NAV1: variants seen among roughly 807,000 people sequenced by gnomAD.
NAV1 encodes neuron navigator 1.
NAV1 carries 18 observed loss-of-function variants against 175.2 expected under a neutral mutation model. The observed-to-expected ratio is 0.10, with a 90% CI of 0.07 to 0.15. NAV1 has a LOEUF of 0.15. Among genes scored for constraint, NAV1 ranks in the 10% least tolerant of loss-of-function variants. The pLI, the probability that NAV1 is intolerant of heterozygous loss-of-function variation, is 1.00. For synonymous variants in NAV1, 897 were observed against 978.7 expected (o/e 0.92, Z 1.56); for missense variants, 1,731 against 2,436.6 (o/e 0.71, Z 6.10).
intron 3 of NAV1, among the ~76,000 whole-genome samples, chr1:201,779,408 A>G (rs954642326): frequency 1.1e-4 from 17 of 150,344 alleles, no homozygotes; most frequent in African/African-American, 3.9e-4. Context: ...CCTGGCCAAC[A>G]TGGTGAAACC....
chr1:201,648,306 A>T, exon 1 of NAV1: 1 of 1,126,304 alleles, frequency 8.9e-7, no homozygotes, highest in Non-Finnish European at 1.1e-6. Flanking sequence ...AAGCAAAAGC[A>T]CCGCTGGGCG....
intron 2 of NAV1, among the ~76,000 whole-genome samples, chr1:201,599,707 ATT>A (rs1475407478): frequency 6.6e-6 from 1 of 152,138 alleles, no homozygotes; most frequent in African/African-American, 2.4e-5. Flanking sequence ...GCCTGCTCTG[ATT>A]CTCTTCAGCG....
chr1:201,550,194 C>A (rs767397125), intron 1 of NAV1, among the ~76,000 whole-genome samples: 2 of 151,742 alleles, frequency 1.3e-5, no homozygotes, highest in African/African-American at 2.4e-5. Context: ...TTTTAAGAGA[C>A]GGGGTCTTAA....
In NAV1 at chr1:201,659,280, G is replaced by A. The variant is rs180871686; in HGVS notation, c.757+9855G>A. 3.4e-3 allele frequency among the ~76,000 whole-genome samples: 520 copies of A among 152,292 alleles called. 2 individuals are homozygous for A. The highest frequency in any genetic ancestry group is 0.012 in the African/African-American group (488 of 41,548). On this transcript the variant is annotated intron_variant, in intron 1 of 29. Coordinates refer to ENST00000367296, the Ensembl canonical transcript of NAV1. ...TCCAAGAAGCCTTCCTGAAGGAGCC[G>A]GAAGTTGGGGAGGAATTTAAAGGAG...
At chr1:201,621,177 C>T (rs942661018), upstream of NAV1, among the ~76,000 whole-genome samples, 17 of 152,136 alleles carry the variant, frequency 1.1e-4, no homozygotes, top group African/African-American at 3.6e-4. Context: ...CGCTCGGCCT[C>T]CCAAAGTGCT....
At chr1:201,652,809 C>T (rs1015783596) in intron 1 of NAV1, among the ~76,000 whole-genome samples, 1 of 152,154 alleles carries the variant, frequency 6.6e-6, no homozygotes. Flanking sequence ...ACAGATGCAC[C>T]TCAATTTATG....
chr1:201,648,637 C>A (rs763277136), exon 1 of NAV1: 9 of 1,300,668 alleles, frequency 6.9e-6, no homozygotes, highest in Middle Eastern at 5.7e-4. Context: ...CCTGCAGACG[C>A]GCGGATCGTC....
chr1:201,771,893 A>T (rs1470123259), intron 3 of NAV1, among the ~76,000 whole-genome samples: 1 of 152,226 alleles, frequency 6.6e-6, no homozygotes, highest in African/African-American at 2.4e-5. Context: ...CTAAAAAGAG[A>T]ATGTTAATAA....
chr1:201,786,355 A>C, intron 8 of NAV1, 74 bp from the exon 13 acceptor site: 1 of 1,460,086 alleles, frequency 6.8e-7, no homozygotes, highest in Non-Finnish European at 9.4e-7. Context: ...CCTAGTTCAG[A>C]CACCCTCCGC....
chr1:201,790,778 GA>G lies in NAV1; in HGVS notation c.3321+14del, dbSNP rs779789067. ...AGCTTTCTGCCAATGTGAGTGCCAT[GA>G]AGTACGGAAAGATCAAGGCAGTTAT... On this transcript the variant is annotated intron_variant, in intron 13 of 29. Transcript: ENST00000367296. 175 of 1,613,898 alleles carry G rather than the reference GA, an allele frequency of 1.1e-4. 6 individuals carry two copies. The South Asian group carries it at 1.9e-3, about 18-fold the overall frequency.
At chr1:201,820,014 C>G in exon 30 of NAV1, 1 of 1,307,322 alleles carries the variant, frequency 7.6e-7, no homozygotes. Flanking sequence ...TCTCCTCTTT[C>G]AGAGCACTGG....
At chr1:201,751,372 T>C (rs1010854132) in intron 3 of NAV1, among the ~76,000 whole-genome samples, 5 of 152,230 alleles carry the variant, frequency 3.3e-5, no homozygotes, top group African/African-American at 1.2e-4. Context: ...ATGCTGACTT[T>C]GTCACTGATT....
intron 3 of NAV1, among the ~76,000 whole-genome samples, chr1:201,746,809 T>C (rs1673796267): frequency 6.6e-6 from 1 of 151,890 alleles, no homozygotes; most frequent in African/African-American, 2.4e-5. Flanking sequence ...AAGACCAGCC[T>C]GGGAAACATG....
At chr1:201,554,399 AACCT>A (rs1330258355) in intron 1 of NAV1, among the ~76,000 whole-genome samples, 1 of 152,196 alleles carries the variant, frequency 6.6e-6, no homozygotes, top group African/African-American at 2.4e-5. Context: ...CATAGCACAG[AACCT>A]AGCAAGCAGT....
rs1256135357 is a variant in NAV1, at chr1:201,746,937, G to A, written c.1226+28182G>A. ...GAGGGTCGCTTGAGCCCAGGAGGTC[G>A]AGGCTGCAGTGAGCTCCAGTCATGC... is the stretch of plus-strand genomic sequence containing the variant. On this transcript the variant is annotated intron_variant, in intron 3 of 29. Transcript: ENST00000367296. 2.6e-5 allele frequency among the ~76,000 whole-genome samples: 4 copies of A among 151,786 alleles called. 1 individual carries two copies. The East Asian group carries it at 7.7e-4, about 29-fold the overall frequency.
At chr1:201,700,414 G>A (rs566179994) in intron 1 of NAV1, among the ~76,000 whole-genome samples, 14 of 152,124 alleles carry the variant, frequency 9.2e-5, no homozygotes, top group Non-Finnish European at 1.6e-4. Flanking sequence ...TTAGAATGGC[G>A]ATCATTAAAA....
chr1:201,788,339 C>A lies in NAV1; in HGVS notation c.2996-129C>A. 1 of 939,616 alleles carries A rather than the reference C, an allele frequency of 1.1e-6. No homozygotes were observed. The highest frequency in any genetic ancestry group is 2.5e-5 in the East Asian group (1 of 39,566). 58.2% of individuals were successfully genotyped at this position (939,616 alleles called of 1,614,324 possible). ...ACCACCGCACCTGCCCCTTCCTCTC[C>A]TGCCCTCTCCCCATTTGCCTCTCAT... On this transcript the variant is annotated intron_variant, in intron 9 of 29. Coordinates refer to ENST00000367296, the Ensembl canonical transcript of NAV1. The surrounding 1 kb of genome is among the most constrained non-coding windows in gnomAD (Gnocchi z 5.7).
rs140934607 is a variant in NAV1, at chr1:201,743,550, G to A, written c.1226+24795G>A. ...GGATGTAATGACAATGAGAAAATGT[G>A]AAGAGCAGAATGCTTTAAACATGTG... is the stretch of plus-strand genomic sequence containing the variant. On this transcript the variant is annotated intron_variant, in intron 3 of 29. Coordinates refer to ENST00000367296, the Ensembl canonical transcript of NAV1. Among the ~76,000 whole-genome samples, 291 of 152,332 alleles carry A rather than the reference G, an allele frequency of 1.9e-3. 1 individual carries two copies. The highest frequency in any genetic ancestry group is 6.5e-3 in the African/African-American group (272 of 41,582).
At chr1:201,800,505 A>G (rs1044521732) in intron 15 of NAV1, among the ~76,000 whole-genome samples, 1 of 152,222 alleles carries the variant, frequency 6.6e-6, no homozygotes, top group Non-Finnish European at 1.5e-5. Flanking sequence ...GGCTGCTTTC[A>G]TGCTATAACA....
Sources: allele counts gnomAD v4.1 joint callset (sites outside exome capture counted in the v4.1 genomes callset), GRCh38; gene constraint gnomAD v4.1.1; non-coding constraint Gnocchi (gnomAD v3.1); transcripts MANE v1.5; gene names NCBI Gene and HGNC (gene_info 2026-07-23, HGNC 2026-07-21).